CARD14: variants seen among roughly 807,000 people sequenced by gnomAD.
The protein encoded by CARD14 is caspase recruitment domain family member 14.
CARD14 carries 107 observed loss-of-function variants against 111.5 expected under a neutral mutation model. The ratio of observed to expected loss-of-function variants is 0.96; its 90% CI spans 0.82 to 1.13. The LOEUF is 1.13. CARD14 is among the 50% of genes most tolerant of loss of function. The probability of loss-of-function intolerance (pLI) is 0.00; values close to 1 mark genes in which losing one functional copy is unlikely to be tolerated. For synonymous variants in CARD14, 617 were observed against 579.6 expected (o/e 1.06, Z -0.93); for missense variants, 1,322 against 1,362.3 (o/e 0.97, Z 0.47).
At chr17:80,186,691 GGC>G (rs763254459) in intron 7 of CARD14, among the ~76,000 whole-genome samples, 5 of 152,130 alleles carry the variant, frequency 3.3e-5, no homozygotes, top group African/African-American at 4.8e-5. Context: ...TGGGATTATA[GGC>G]GCGCACCACC....
At position 80,184,258 on chromosome 17, in the gene CARD14, C is replaced by G; in HGVS notation, c.675+20C>G. 1 of 1,487,024 alleles carries G rather than the reference C, an allele frequency of 6.7e-7. No homozygotes were observed. Among genetic ancestry groups the G allele is most frequent in the African/African-American group, 1.4e-5 (1 of 71,998 alleles). 92.1% of individuals were successfully genotyped at this position (1,487,024 alleles called of 1,614,324 possible). ...GAGGAGGTAGGGGGACACCCTGCACCCCGGCGCGACCCTGCTGTCGTCTGC... is the reference window on the plus strand; with the variant it reads ...GAGGAGGTAGGGGGACACCCTGCACGCCGGCGCGACCCTGCTGTCGTCTGC... On this transcript the variant is annotated intron_variant, in intron 7 of 23. Transcript: ENST00000648509.
chr17:80,170,765 C>CTCCCCTCCACTCCCG, intron 1 of CARD14, among the ~76,000 whole-genome samples: 1 of 85,322 alleles, frequency 1.2e-5, no homozygotes, highest in Non-Finnish European at 2.6e-5. Context: ...TCTCTGGGCC[C>CTCCCCTCCACTCCCG]TCCCCTCCCC....
Position 80,188,206 on chromosome 17 carries a change from T to C in CARD14, c.676-171T>C. 1.6e-6 allele frequency: 1 copy of C among 631,828 alleles called. No homozygotes were observed. Among genetic ancestry groups the C allele is most frequent in the East Asian group, 3.6e-5 (1 of 28,140 alleles). 39.1% of individuals were successfully genotyped at this position (631,828 alleles called of 1,614,324 possible). ...CTCTGTCCTCCCAGCCCCAGTTGAA[T>C]ATTTGGGACTATTCATTAGGTGAAC... On this transcript the variant is annotated intron_variant, in intron 7 of 23. Coordinates refer to ENST00000648509, the MANE Select transcript of CARD14 (RefSeq NM_001366385.1). This position sits in a 1 kb window ranked among gnomAD's most constrained non-coding sequence, Gnocchi z 4.5.
Position 80,208,665 on chromosome 17 carries a change from C to A in CARD14, c.*320C>A. ...CATGCCTTCCCTAGAACCGGAGGCC[C>A]CGGACTTCTCTGGAAAACCGCCTGT... On this transcript the variant is annotated 3_prime_UTR_variant, in exon 24 of 24. Transcript: ENST00000648509. The A allele has an allele frequency of 3.6e-6, 1 of 278,336 alleles. No homozygotes were observed. The highest frequency in any genetic ancestry group is 6.6e-5 in the East Asian group (1 of 15,164). The allele number at this position is 278,336 out of a possible 1,614,324, so 17.2% of individuals were successfully genotyped here.
In CARD14 at chr17:80,188,514, T is replaced by C. The variant is rs1164872829; in HGVS notation, c.813T>C (p.Asn271=). 1.3e-6 allele frequency: 2 copies of C among 1,543,944 alleles called. No individual in the cohort carries two copies. The change falls in exon 8 of 24, where the codon AAT becomes AAC. Residue 271 remains asparagine (N), a synonymous_variant. Transcript: ENST00000648509. The surrounding 1 kb of genome is among the most constrained non-coding windows in gnomAD (Gnocchi z 4.5). ...AGCTGAACCGCCTGAAGGAGGAGAA[T>C]GAGAAACTGCGCTCGCTGACTTTCA... ...DEELNRLKEE[N]EKLRSLTFSL...
At position 80,198,156 on chromosome 17, in the gene CARD14, C is replaced by G. The variant is rs201449588; in HGVS notation, c.1652C>G (p.Ser551Trp). ...GTCTCCCCTGGAAGGCTTGATGTCTCGGAGAGGTAAGCAGCAGGTGGGAAT... is the reference window on the plus strand; with the variant it reads ...GTCTCCCCTGGAAGGCTTGATGTCTGGGAGAGGTAAGCAGCAGGTGGGAAT... ...QPVSPGRLDV[S>W]ESGVLMRRRP... Residue 551 changes from serine (S) to tryptophan (W), a missense_variant, in exon 15 of 24, where the codon TCG becomes TGG. Ser to Trp is a radical substitution (Grantham distance 177, BLOSUM62 -3). Transcript: ENST00000648509. This position sits in a 1 kb window ranked among gnomAD's most constrained non-coding sequence, Gnocchi z 7.5. The G allele has an allele frequency of 6.2e-7, 1 of 1,613,780 alleles. No individual in the cohort carries two copies. Among genetic ancestry groups the G allele is most frequent in the East Asian group, 2.2e-5 (1 of 44,888 alleles).
Position 80,192,580 on chromosome 17 carries a change from C to T in CARD14, c.1317C>T (p.Pro439=). 1 of 1,613,428 alleles carries T rather than the reference C, an allele frequency of 6.2e-7. No homozygotes were observed. The stretch of plus-strand genomic sequence containing the variant: ...TGGTGCGGATGCATGCCATCTGCCC[C>T]AGAGACGACAGCGACTGCAGCCTCG... ...QRLVRMHAIC[P]RDDSDCSLVS... Residue 439 remains proline, a synonymous_variant, in exon 12 of 24, where the codon CCC becomes CCT. Coordinates refer to ENST00000648509, the MANE Select transcript of CARD14 (RefSeq NM_001366385.1).
intron 20 of CARD14, chr17:80,204,596 C>A: frequency 2.5e-6 from 1 of 399,490 alleles, no homozygotes. Context: ...TGCACTCCAG[C>A]CTGGGCAATA....
rs184287954 is a variant in CARD14 at position 80,201,406 on chromosome 17, C to T, written c.1852-338C>T. ...GATCCCAAGGCTAAGAAACCTCTAT[C>T]TAGAATGCTCTTGAATGTTCTAGAA... On this transcript the variant is annotated intron_variant, in intron 16 of 23. Coordinates refer to ENST00000648509, the MANE Select transcript of CARD14 (RefSeq NM_001366385.1). The surrounding 1 kb of genome is among the most constrained non-coding windows in gnomAD (Gnocchi z 5.0). 70 of 292,180 alleles carry T rather than the reference C, an allele frequency of 2.4e-4. No individual in the cohort carries two copies. The highest frequency in any genetic ancestry group is 4.2e-4 in the Non-Finnish European group (64 of 152,204). The allele number at this position is 292,180 out of a possible 1,614,324, so 18.1% of individuals were successfully genotyped here.
At position 80,203,320 on chromosome 17, in the gene CARD14, A is replaced by T. The variant is rs1598702194; in HGVS notation, c.2220-502A>T. On this transcript the variant is annotated intron_variant, in intron 18 of 23. Coordinates refer to ENST00000648509, the MANE Select transcript of CARD14 (RefSeq NM_001366385.1). This position sits in a 1 kb window ranked among gnomAD's most constrained non-coding sequence, Gnocchi z 4.6. The stretch of plus-strand genomic sequence containing the variant: ...CCATTGTTCTAGATCAGCCTATGGG[A>T]GGCTCCAAGTTTCAAGTGCACGGAA... 6.5e-6 allele frequency: 1 copy of T among 153,558 alleles called. No homozygotes were observed. The highest frequency in any genetic ancestry group is 1.4e-5 in the Non-Finnish European group (1 of 69,224). 9.5% of individuals were successfully genotyped at this position (153,558 alleles called of 1,614,324 possible).
chr17:80,195,073 T>C lies in CARD14; in HGVS notation c.1357-118T>C. On this transcript the variant is annotated intron_variant, in intron 12 of 23. Coordinates refer to ENST00000648509, the MANE Select transcript of CARD14 (RefSeq NM_001366385.1). The surrounding 1 kb of genome is among the most constrained non-coding windows in gnomAD (Gnocchi z 4.7). ...ACCCCATGTGTGTCCTTCTTTCCCCTCCTGCCTCCTCTCCAGTCAGTTCTC... is the reference window on the plus strand; with the variant it reads ...ACCCCATGTGTGTCCTTCTTTCCCCCCCTGCCTCCTCTCCAGTCAGTTCTC... 1 of 1,341,080 alleles carries C rather than the reference T, an allele frequency of 7.5e-7. No homozygotes were observed. The highest frequency in any genetic ancestry group is 1.0e-6 in the Non-Finnish European group (1 of 991,842). The allele number at this position is 1,341,080 out of a possible 1,614,324, so 83.1% of individuals were successfully genotyped here.
chr17:80,201,837 T>A lies in CARD14; in HGVS notation c.1945T>A (p.Phe649Ile), dbSNP rs954284352. 96 of 1,613,864 alleles carry A rather than the reference T, an allele frequency of 5.9e-5. No individual in the cohort carries two copies. The highest frequency in any genetic ancestry group is 7.5e-5 in the Non-Finnish European group (89 of 1,179,942). Residue 649 changes from phenylalanine to isoleucine, a missense_variant, in exon 17 of 24, where the codon TTC becomes ATC. Coordinates refer to ENST00000648509, the MANE Select transcript of CARD14 (RefSeq NM_001366385.1). The surrounding 1 kb of genome is among the most constrained non-coding windows in gnomAD (Gnocchi z 5.0). Reference protein sequence around the residue: ...AVGLLRRVDGFCCLSVKVNTD... With the variant: ...AVGLLRRVDGICCLSVKVNTD... Reference sequence around the variant, plus strand: ...GGGGCTTCTCAGGAGGGTGGACGGCTTCTGCTGCCTGTCTGTGAAGGTCAA... The same window carrying A: ...GGGGCTTCTCAGGAGGGTGGACGGCATCTGCTGCCTGTCTGTGAAGGTCAA...
At chr17:80,193,066 A>G (rs1306138968) in intron 12 of CARD14, among the ~76,000 whole-genome samples, 3 of 152,162 alleles carry the variant, frequency 2.0e-5, no homozygotes, top group African/African-American at 7.2e-5. Flanking sequence ...CGAGAGTTTT[A>G]AACATCAGAG....
chr17:80,191,591 T>G (rs1004291201), intron 11 of CARD14, 119 bp downstream of exon 11: 16 of 1,300,872 alleles, frequency 1.2e-5, no homozygotes, highest in Middle Eastern at 2.7e-4. Flanking sequence ...GGTCCCAGGC[T>G]GGGCCACACG....
At position 80,179,301 on chromosome 17, in the gene CARD14, C is replaced by T. The variant is rs112891168; in HGVS notation, c.-21C>T. On this transcript the variant is annotated splice_region_variant and 5_prime_UTR_variant, in exon 4 of 24. Coordinates refer to ENST00000648509, the MANE Select transcript of CARD14 (RefSeq NM_001366385.1). The stretch of plus-strand genomic sequence containing the variant: ...ACAACCTGATATCCTCCCACAGGAG[C>T]GTAAGTCCACTGTGGTTATTCATAT... The T allele has an allele frequency of 0.045, 6,889 of 152,324 alleles. 211 individuals carry two copies. The highest frequency in any genetic ancestry group is 0.079 in the African/African-American group (3,277 of 41,554). The allele number at this position is 152,324 out of a possible 1,614,324, so 9.4% of individuals were successfully genotyped here. A position where few individuals can be genotyped will look rare whatever the true frequency, so the allele number is the denominator to read the frequency against.
intron 4 of CARD14, among the ~76,000 whole-genome samples, chr17:80,180,396 C>G (rs531886089): frequency 1.3e-5 from 2 of 152,320 alleles, no homozygotes; most frequent in South Asian, 4.1e-4. Flanking sequence ...AGCCCACACC[C>G]CCCGCAGCCG....
Position 80,195,507 on chromosome 17 carries a change from CAGAG to C in CARD14, c.1500-50_1500-47del, listed in dbSNP as rs2040679394. 1.3e-6 allele frequency: 2 copies of C among 1,561,766 alleles called. No homozygotes were observed. The highest frequency in any genetic ancestry group is 1.4e-5 in the African/African-American group (1 of 74,040). ...GGCCAGTGCTTGGGGCGTGGGGACT[CAGAG>C]GGAGCAGGTGATGCAGTTTGAGCCT... On this transcript the variant is annotated intron_variant, in intron 13 of 23. Coordinates refer to ENST00000648509, the MANE Select transcript of CARD14 (RefSeq NM_001366385.1). This position sits in a 1 kb window ranked among gnomAD's most constrained non-coding sequence, Gnocchi z 4.7.
chr17:80,195,428 G>T lies in CARD14; in HGVS notation c.1499+95G>T. ...CCAACCTAGACCTCAGGGCATCTGG[G>T]TATTGCAGGCAGCAGCTCCTGCCCT... On this transcript the variant is annotated intron_variant, in intron 13 of 23. Transcript: ENST00000648509. The surrounding 1 kb of genome is among the most constrained non-coding windows in gnomAD (Gnocchi z 4.7). 1 of 1,522,388 alleles carries T rather than the reference G, an allele frequency of 6.6e-7. No homozygotes were observed. 94.3% of individuals were successfully genotyped at this position (1,522,388 alleles called of 1,614,324 possible).
intron 14 of CARD14, chr17:80,196,989 G>A (rs1286374381): frequency 6.6e-6 from 1 of 152,482 alleles, no homozygotes; most frequent in African/African-American, 2.4e-5. Context: ...ATGAGCTCAA[G>A]AGATCGAGAC....
Sources: allele counts gnomAD v4.1 joint callset (sites outside exome capture counted in the v4.1 genomes callset), GRCh38; gene constraint gnomAD v4.1.1; non-coding constraint Gnocchi (gnomAD v3.1); transcripts MANE v1.5; gene names NCBI Gene and HGNC (gene_info 2026-07-23, HGNC 2026-07-21).